POSTN: variants seen among roughly 807,000 people sequenced by gnomAD.
POSTN encodes osteoblast specific factor 2 (fasciclin I-like).
POSTN carries 71 observed loss-of-function variants against 104.5 expected under a neutral mutation model. The observed-to-expected ratio is 0.68, with a 90% CI of 0.56 to 0.83. The LOEUF is 0.83. POSTN is among the 40% of genes least tolerant of loss of function. The pLI, the probability that POSTN is intolerant of heterozygous loss-of-function variation, is 0.00. For synonymous variants in POSTN, 355 were observed against 340.7 expected (o/e 1.04, Z -0.46); for missense variants, 949 against 1,006.8 (o/e 0.94, Z 0.78).
At chr13:37,584,575 T>C (rs183615954) in intron 8 of POSTN, 141 bp downstream of exon 8, 29 of 693,916 alleles carry the variant, frequency 4.2e-5, no homozygotes, top group Admixed American at 8.1e-5. Flanking sequence ...CTCAAGTAGC[T>C]CACTATTTAT....
intron 21 of POSTN, 68 bp downstream of exon 21, chr13:37,569,232 A>T (rs780837594): frequency 1.3e-4 from 145 of 1,121,994 alleles, no homozygotes; most frequent in Non-Finnish European, 1.8e-4. Flanking sequence ...CTGCTTGCTC[A>T]GTCTTTAAAA....
intron 5 of POSTN, 111 bp from the exon 6 acceptor site, chr13:37,587,039 G>A: frequency 2.3e-6 from 2 of 874,972 alleles, no homozygotes; most frequent in Non-Finnish European, 3.5e-6. Context: ...TAACATACAG[G>A]AAACTACATT....
rs764720820 is a variant in POSTN, at chr13:37,563,323, T to A, written c.*10A>T. Reference sequence around the variant, plus strand: ...GGTTGTATAAACATTTTTTTCTGGTTTTTGGATTTTCACTGAGAACGACCT... The same window carrying A: ...GGTTGTATAAACATTTTTTTCTGGTATTTGGATTTTCACTGAGAACGACCT... On this transcript the variant is annotated 3_prime_UTR_variant, in exon 23 of 23. Coordinates refer to ENST00000379747, the MANE Select transcript of POSTN (RefSeq NM_006475.3). The A allele has an allele frequency of 1.2e-5, 19 of 1,579,356 alleles. No individual in the cohort carries two copies. Among genetic ancestry groups the A allele is most frequent in the Middle Eastern group, 3.4e-4 (2 of 5,944 alleles).
intron 16 of POSTN, among the ~76,000 whole-genome samples, chr13:37,577,380 G>A (rs1221026576): frequency 6.6e-6 from 1 of 152,136 alleles, no homozygotes; most frequent in Non-Finnish European, 1.5e-5. Flanking sequence ...TGAGGGTGGC[G>A]TGAACAACAA....
chr13:37,571,633 T>C (rs1950265508), intron 17 of POSTN, 175 bp from the exon 18 acceptor site: 2 of 508,196 alleles, frequency 3.9e-6, no homozygotes, highest in East Asian at 3.4e-5. Flanking sequence ...ACAAGAGTTA[T>C]GAGAACAAAT....
chr13:37,590,310 C>A, intron 4 of POSTN, 62 bp downstream of exon 4: 1 of 1,298,626 alleles, frequency 7.7e-7, no homozygotes, highest in South Asian at 1.6e-5. Flanking sequence ...GTTAATAAGT[C>A]AGTTAAAATG....
At chr13:37,568,237 T>C (rs950470392) in intron 21 of POSTN, among the ~76,000 whole-genome samples, 1 of 152,054 alleles carries the variant, frequency 6.6e-6, no homozygotes, top group Non-Finnish European at 1.5e-5. Flanking sequence ...TGAGGGAAAA[T>C]TCAATCATTG....
At chr13:37,592,276 A>G in intron 2 of POSTN, 112 bp from the exon 3 acceptor site, 1 of 695,344 alleles carries the variant, frequency 1.4e-6, no homozygotes, top group Admixed American at 3.8e-5. Flanking sequence ...GGTTCTAAAA[A>G]TCAGGTTTTT....
At position 37,562,628 on chromosome 13, in the gene POSTN, G is replaced by A. The variant is rs972760234; in HGVS notation, c.*705C>T. Reference sequence around the variant, plus strand: ...AATGAGTACTTGTTACAGTAAAAGAGGTATAAAGTCCTGTTCCCAAGTCCA... The same window carrying A: ...AATGAGTACTTGTTACAGTAAAAGAAGTATAAAGTCCTGTTCCCAAGTCCA... On this transcript the variant is annotated 3_prime_UTR_variant, in exon 23 of 23. Transcript: ENST00000379747. 1 of 152,010 alleles carries A rather than the reference G, an allele frequency of 6.6e-6. No individual in the cohort carries two copies. The allele number at this position is 152,010 out of a possible 1,614,324, so 9.4% of individuals were successfully genotyped here.
At chr13:37,576,472 T>A (rs1950411913) in intron 16 of POSTN, among the ~76,000 whole-genome samples, 1 of 152,074 alleles carries the variant, frequency 6.6e-6, no homozygotes, top group African/African-American at 2.4e-5. Flanking sequence ...AGTGAGGATG[T>A]AATTTAGTAG....
chr13:37,596,634 C>T (rs781126898), intron 2 of POSTN, among the ~76,000 whole-genome samples: 5 of 152,100 alleles, frequency 3.3e-5, no homozygotes, highest in Admixed American at 2.6e-4. Context: ...GCATCTTGAA[C>T]GGAGAATCAC....
In POSTN at chr13:37,586,281, C is replaced by G; in HGVS notation, c.754-1G>C. 6.2e-7 allele frequency: 1 copy of G among 1,607,932 alleles called. No homozygotes were observed. Among genetic ancestry groups the G allele is most frequent in the African/African-American group, 1.3e-5 (1 of 74,680 alleles). On this transcript the variant is annotated splice_acceptor_variant, in intron 6 of 22. Coordinates refer to ENST00000379747, the MANE Select transcript of POSTN (RefSeq NM_006475.3). LOFTEE classifies it high-confidence loss of function. The stretch of plus-strand genomic sequence containing the variant: ...ATATGTCCGATGTGATGGCAGCTGC[C>G]TGAAACACAAATGTGCTTTTCAGAG...
chr13:37,585,925 A>G (rs1950728829), intron 7 of POSTN, among the ~76,000 whole-genome samples: 1 of 152,232 alleles, frequency 6.6e-6, no homozygotes, highest in African/African-American at 2.4e-5. Context: ...TGAAAGCAGT[A>G]TGAAAGAATG....
intron 21 of POSTN, among the ~76,000 whole-genome samples, chr13:37,567,389 T>A (rs2138153348): frequency 6.6e-6 from 1 of 152,046 alleles, no homozygotes; most frequent in South Asian, 2.1e-4. Flanking sequence ...AAAAAAGTCT[T>A]ACATAGTGTA....
At chr13:37,585,357 CA>C (rs869266056) in intron 7 of POSTN, among the ~76,000 whole-genome samples, 1 of 147,824 alleles carries the variant, frequency 6.8e-6, no homozygotes, top group South Asian at 2.1e-4. Flanking sequence ...TGATGAGAAA[CA>C]CAGCAAGATC....
chr13:37,568,010 A>AG (rs5802884), intron 21 of POSTN, among the ~76,000 whole-genome samples: 2 of 13,752 alleles, frequency 1.5e-4, no homozygotes, highest in Non-Finnish European at 2.5e-4. Flanking sequence ...GGACTGAAAG[A>AG]AAAAAAAAAG....
intron 10 of POSTN, 84 bp downstream of exon 10, chr13:37,582,282 A>T: frequency 6.9e-7 from 1 of 1,448,392 alleles, no homozygotes; most frequent in Non-Finnish European, 9.3e-7. Context: ...AACCACACTC[A>T]TAAAATTCTG....
At chr13:37,587,738 A>T in intron 5 of POSTN, 84 bp downstream of exon 5, 1 of 1,112,258 alleles carries the variant, frequency 9.0e-7, no homozygotes, top group South Asian at 1.6e-5. Flanking sequence ...ACATTTTATT[A>T]TTTTTGTGAG....
chr13:37,582,035 C>A (rs1950604409), intron 10 of POSTN, among the ~76,000 whole-genome samples: 1 of 152,112 alleles, frequency 6.6e-6, no homozygotes, highest in Non-Finnish European at 1.5e-5. Context: ...AGGCAGAGAA[C>A]AGAATTACCT....
Sources: gnomAD v4.1 joint callset for allele counts (sites outside exome capture counted in the v4.1 genomes callset) on GRCh38, gnomAD v4.1.1 for gene constraint, MANE v1.5 for transcripts, NCBI Gene and HGNC (gene_info 2026-07-23, HGNC 2026-07-21) for gene names.